KCNQ1: variants seen among roughly 807,000 people sequenced by gnomAD.
The protein encoded by KCNQ1 is potassium voltage-gated channel subfamily KQT member 1.
Under a neutral mutation model 72.4 loss-of-function variants are expected in KCNQ1, and 49 were observed. The observed-to-expected ratio is 0.68, with a 90% confidence interval of 0.54 to 0.86. KCNQ1 has a LOEUF of 0.86. Ranked by LOEUF, KCNQ1 falls within the 40% of genes least tolerant of loss-of-function variation. The pLI is 0.00. For synonymous variants in KCNQ1, 450 were observed against 412.6 expected (o/e 1.09, Z -1.10); for missense variants, 790 against 945.1 (o/e 0.84, Z 2.15).
chr11:2,649,614 T>G, intron 10 of KCNQ1: 1 of 398,614 alleles, frequency 2.5e-6, no homozygotes, highest in Non-Finnish European at 4.4e-6. Flanking sequence ...CTTGCAGCAC[T>G]TTTAATATGG....
At chr11:2,587,197 G>A (rs1420513853) in intron 8 of KCNQ1, among the ~76,000 whole-genome samples, 6 of 152,124 alleles carry the variant, frequency 3.9e-5, no homozygotes, top group Admixed American at 6.6e-5. Context: ...GCCCATTTCC[G>A]CATTGGTCTC....
chr11:2,630,062 T>C, intron 10 of KCNQ1: 2 of 398,326 alleles, frequency 5.0e-6, no homozygotes, highest in Non-Finnish European at 8.9e-6. Context: ...GCTATTCATA[T>C]ATGGCCTTTA....
chr11:2,701,118 C>A (rs554169335), intron 11 of KCNQ1, among the ~76,000 whole-genome samples: 16 of 152,352 alleles, frequency 1.1e-4, no homozygotes, highest in South Asian at 2.1e-4. Flanking sequence ...GCCGTCCCCC[C>A]ACCAAGGCAC....
chr11:2,703,027 C>T lies in KCNQ1; in HGVS notation c.1514+40946C>T, dbSNP rs1007987190. The stretch of plus-strand genomic sequence containing the variant: ...CGAGACTGAGAGGGGTTTGTTGTCT[C>T]GTCGGGCGACAAGAGACACGTGGGA... On this transcript the variant is annotated intron_variant, in intron 11 of 15. Transcript: ENST00000155840. This position sits in a 1 kb window ranked among gnomAD's most constrained non-coding sequence, Gnocchi z 6.4. Among the ~76,000 whole-genome samples the T allele has an allele frequency of 2.6e-5, 4 of 152,216 alleles. No individual in the cohort carries two copies. The highest frequency in any genetic ancestry group is 6.5e-5 in the Admixed American group (1 of 15,294).
rs904078314 is a variant in KCNQ1, at chr11:2,817,565, G to A, written c.1795-30202G>A. On this transcript the variant is annotated intron_variant, in intron 15 of 15. Transcript: ENST00000155840. This position sits in a 1 kb window ranked among gnomAD's most constrained non-coding sequence, Gnocchi z 6.1. ...TTTGGTTCATGGTACCTGAGATGACGGCTTCAGATGATGTCCCTGGCCAGG... is the reference window on the plus strand; with the variant it reads ...TTTGGTTCATGGTACCTGAGATGACAGCTTCAGATGATGTCCCTGGCCAGG... Among the ~76,000 whole-genome samples the A allele has an allele frequency of 1.3e-5, 2 of 152,080 alleles. No homozygotes were observed. Among genetic ancestry groups the A allele is most frequent in the African/African-American group, 2.4e-5 (1 of 41,388 alleles).
In KCNQ1 at chr11:2,471,860, GT is replaced by G. The variant is rs1589898881; in HGVS notation, c.386+26379del. ...CACCTATGTGTGTATAGGTGTGTGT[GT>G]TTATGTATGGGTGTGTGTGCACATG... On this transcript the variant is annotated intron_variant, in intron 1 of 15. Coordinates refer to ENST00000155840, the MANE Select transcript of KCNQ1 (RefSeq NM_000218.3). The surrounding 1 kb of genome is among the most constrained non-coding windows in gnomAD (Gnocchi z 4.8). Among the ~76,000 whole-genome samples the G allele has an allele frequency of 6.6e-6, 1 of 151,078 alleles. No homozygotes were observed. Among genetic ancestry groups the G allele is most frequent in the East Asian group, 1.9e-4 (1 of 5,140 alleles).
At position 2,848,514 on chromosome 11, in the gene KCNQ1, G is replaced by C; in HGVS notation, c.*511G>C. On this transcript the variant is annotated 3_prime_UTR_variant, in exon 16 of 16. Transcript: ENST00000155840. The stretch of plus-strand genomic sequence containing the variant: ...ATAAAAGCCCAGGAGCCCATTTGGA[G>C]GGCCTGGGCCTGGCTCCCTCACTCT... 1 of 455,036 alleles carries C rather than the reference G, an allele frequency of 2.2e-6. No individual in the cohort carries two copies. The highest frequency in any genetic ancestry group is 4.4e-6 in the Non-Finnish European group (1 of 227,340). The allele number at this position is 455,036 out of a possible 1,614,324, so 28.2% of individuals were successfully genotyped here. A position where few individuals can be genotyped will look rare whatever the true frequency, so the allele number is the denominator to read the frequency against.
In KCNQ1 at chr11:2,486,294, T is replaced by A. The variant is rs1846739770; in HGVS notation, c.386+40810T>A. 6.6e-6 allele frequency among the ~76,000 whole-genome samples: 1 copy of A among 152,252 alleles called. No individual in the cohort carries two copies. On this transcript the variant is annotated intron_variant, in intron 1 of 15. Transcript: ENST00000155840. The surrounding 1 kb of genome is among the most constrained non-coding windows in gnomAD (Gnocchi z 5.0). ...TGCTCTTATTAGCCATTTGTATATCTTCTTTGGAGAATATCTCCTCAGCTC... is the reference window on the plus strand; with the variant it reads ...TGCTCTTATTAGCCATTTGTATATCATCTTTGGAGAATATCTCCTCAGCTC...
At chr11:2,760,927 T>C (rs1846383108) in intron 11 of KCNQ1, among the ~76,000 whole-genome samples, 1 of 152,132 alleles carries the variant, frequency 6.6e-6, no homozygotes, top group Non-Finnish European at 1.5e-5. Flanking sequence ...TGAAGCCCCA[T>C]GGGTGTGTGT....
At chr11:2,474,285 A>G (rs3815064) in intron 1 of KCNQ1, among the ~76,000 whole-genome samples, 85,072 of 151,924 alleles carry the variant, frequency 0.56, 24,907 homozygotes, top group Non-Finnish European at 0.65. Context: ...GGCCACAGCT[A>G]CTTTGTTCAC....
In KCNQ1 at chr11:2,587,654, C is replaced by G; in HGVS notation, c.1213C>G (p.Leu405Val). ...CCGGAAGGCCCCCCGGAGCCACACT[C>G]TGCTGTCACCCAGCCCCAAACCCAA... The part of the protein sequence containing the change: ...YIRKAPRSHT[L>V]LSPSPKPKKS... The change falls in exon 9 of 16, where the codon CTG becomes GTG. Residue 405 changes from leucine (L) to valine (V), a missense_variant. Transcript: ENST00000155840. 2 of 1,613,952 alleles carry G rather than the reference C, an allele frequency of 1.2e-6. No individual in the cohort carries two copies. Among genetic ancestry groups the G allele is most frequent in the Non-Finnish European group, 1.7e-6 (2 of 1,180,020 alleles).
At chr11:2,532,138 C>T (rs573646207) in intron 2 of KCNQ1, among the ~76,000 whole-genome samples, 5 of 152,302 alleles carry the variant, frequency 3.3e-5, no homozygotes, top group Admixed American at 1.3e-4. Flanking sequence ...ACACCATCCC[C>T]GCCGACCTGC....
intron 10 of KCNQ1, chr11:2,648,865 T>C (rs986212070): frequency 4.0e-5 from 16 of 398,354 alleles, no homozygotes; most frequent in Non-Finnish European, 5.8e-5. Flanking sequence ...ATAATATTTG[T>C]TTAATATACC....
chr11:2,830,803 C>T lies in KCNQ1; in HGVS notation c.1795-16964C>T, dbSNP rs1847932256. Reference sequence around the variant, plus strand: ...TGGCCACAGAGCCACACACCTGGGCCTTCCCCTCTCCCCATCATCAGGTAA... The same window carrying T: ...TGGCCACAGAGCCACACACCTGGGCTTTCCCCTCTCCCCATCATCAGGTAA... On this transcript the variant is annotated intron_variant, in intron 15 of 15. Coordinates refer to ENST00000155840, the MANE Select transcript of KCNQ1 (RefSeq NM_000218.3). This position sits in a 1 kb window ranked among gnomAD's most constrained non-coding sequence, Gnocchi z 7.7. Among the ~76,000 whole-genome samples the T allele has an allele frequency of 6.6e-6, 1 of 152,236 alleles. No individual in the cohort carries two copies. Among genetic ancestry groups the T allele is most frequent in the African/African-American group, 2.4e-5 (1 of 41,470 alleles).
intron 10 of KCNQ1, among the ~76,000 whole-genome samples, chr11:2,589,511 C>T (rs1027595441): frequency 1.3e-5 from 2 of 152,224 alleles, no homozygotes; most frequent in African/African-American, 2.4e-5. Flanking sequence ...AACTCGTAAG[C>T]GTGGCTCTTT....
At position 2,600,419 on chromosome 11, in the gene KCNQ1, T is replaced by C. The variant is rs1295305559; in HGVS notation, c.1393+11565T>C. On this transcript the variant is annotated intron_variant, in intron 10 of 15. Coordinates refer to ENST00000155840, the MANE Select transcript of KCNQ1 (RefSeq NM_000218.3). This position sits in a 1 kb window ranked among gnomAD's most constrained non-coding sequence, Gnocchi z 5.6. Reference sequence around the variant, plus strand: ...CCTTCACTAAGATTTACCAGTTTACTAATTGTTACATTTTGCCACATTTGC... The same window carrying C: ...CCTTCACTAAGATTTACCAGTTTACCAATTGTTACATTTTGCCACATTTGC... Among the ~76,000 whole-genome samples, 5 of 152,260 alleles carry C rather than the reference T, an allele frequency of 3.3e-5. No individual in the cohort carries two copies. Among genetic ancestry groups the C allele is most frequent in the Admixed American group, 6.5e-5 (1 of 15,290 alleles).
chr11:2,741,208 C>A (rs564746469), intron 11 of KCNQ1, among the ~76,000 whole-genome samples: 18 of 152,156 alleles, frequency 1.2e-4, no homozygotes, highest in Middle Eastern at 3.4e-3. Flanking sequence ...ACAGGGGAGG[C>A]CCCTATGAGC....
intron 10 of KCNQ1, chr11:2,625,705 G>A (rs1018009219): frequency 2.5e-6 from 1 of 397,302 alleles, no homozygotes; most frequent in Non-Finnish European, 4.4e-6. Context: ...GAGTAGCTGG[G>A]ACTACAGGCG....
At position 2,615,495 on chromosome 11, in the gene KCNQ1, A is replaced by G. The variant is rs1849045980; in HGVS notation, c.1393+26641A>G. ...TATCTTACTCTTTGTTATGGGAGAA[A>G]TTTTTCAGTTTTTTTTCTCATTAAG... On this transcript the variant is annotated intron_variant, in intron 10 of 15. Transcript: ENST00000155840. The G allele has an allele frequency of 7.5e-6, 3 of 397,764 alleles. No individual in the cohort carries two copies. The Admixed American group carries it at 1.3e-4, about 18-fold the overall frequency. The allele number at this position is 397,764 out of a possible 1,614,324, so 24.6% of individuals were successfully genotyped here.
Sources: gnomAD v4.1 joint callset for allele counts (sites outside exome capture counted in the v4.1 genomes callset) on GRCh38, gnomAD v4.1.1 for gene constraint, Gnocchi (gnomAD v3.1) non-coding constraint, MANE v1.5 for transcripts, NCBI Gene and HGNC (gene_info 2026-07-23, HGNC 2026-07-21) for gene names.